The following SCAI variants were observed in gnomAD, a reference collection of about 807,000 sequenced individuals.
SCAI encodes the protein protein SCAI.
SCAI carries 24 observed loss-of-function variants against 92.2 expected under a neutral mutation model. The observed-to-expected ratio is 0.26, with a 90% confidence interval of 0.19 to 0.37. The LOEUF is 0.37. SCAI is among the 10% of genes least tolerant of loss of function. SCAI has a pLI of 1.00. For missense variants in SCAI, 450 were observed against 736.2 expected (o/e 0.61, Z 4.50); for synonymous variants, 261 against 258.6 (o/e 1.01, Z -0.09).
At position 125,051,898 on chromosome 9, in the gene SCAI, G is replaced by A. The variant is rs575009773; in HGVS notation, c.230+3978C>T. Among the ~76,000 whole-genome samples, 15 of 152,006 alleles carry A rather than the reference G, an allele frequency of 9.9e-5. No homozygotes were observed. The East Asian group carries it at 2.3e-3, about 24-fold the overall frequency. On this transcript the variant is annotated intron_variant, in intron 3 of 17. Transcript: ENST00000336505. ...AGCCTGGCCAACATGGTGAAATCCC[G>A]TTTCTACTAAAACAAATACAGTGTG...
Position 125,009,656 on chromosome 9 carries a change from C to A in SCAI, c.862-6086G>T, listed in dbSNP as rs1298075287. 2.7e-5 allele frequency among the ~76,000 whole-genome samples: 4 copies of A among 150,170 alleles called. No homozygotes were observed. In the East Asian group the frequency reaches 8.1e-4, roughly 30 times the overall value. On this transcript the variant is annotated intron_variant, in intron 9 of 17. Transcript: ENST00000336505. ...AATCCCAACACTTTGGGAGGCCAAGCTGGGGGCAGATCACCTGAGGCTAGG... is the reference window on the plus strand; with the variant it reads ...AATCCCAACACTTTGGGAGGCCAAGATGGGGGCAGATCACCTGAGGCTAGG...
intron 2 of SCAI, among the ~76,000 whole-genome samples, chr9:125,124,625 G>T (rs542691632): frequency 6.6e-6 from 1 of 152,140 alleles, no homozygotes; most frequent in Non-Finnish European, 1.5e-5. Context: ...ACCCAGACTC[G>T]GAAGGGTATC....
intron 3 of SCAI, among the ~76,000 whole-genome samples, chr9:125,034,952 T>C (rs943421121): frequency 1.3e-5 from 2 of 152,204 alleles, no homozygotes; most frequent in Non-Finnish European, 2.9e-5. Context: ...TTAGAATCCA[T>C]GTATAGATCA....
chr9:125,139,927 A>G (rs1835626757), intron 2 of SCAI, among the ~76,000 whole-genome samples: 2 of 152,236 alleles, frequency 1.3e-5, no homozygotes, highest in South Asian at 4.1e-4. Context: ...TAGCCATATT[A>G]GAAAAAATAA....
intron 13 of SCAI, among the ~76,000 whole-genome samples, chr9:124,999,499 T>A (rs1178764575): frequency 1.3e-5 from 2 of 152,160 alleles, no homozygotes; most frequent in Admixed American, 6.6e-5. Flanking sequence ...AAGACTGACC[T>A]GAGTGACAGA....
intron 2 of SCAI, among the ~76,000 whole-genome samples, chr9:125,098,138 T>C (rs946941278): frequency 6.6e-6 from 1 of 152,010 alleles, no homozygotes; most frequent in Non-Finnish European, 1.5e-5. Context: ...CACTGCAACC[T>C]CAATCTCCTG....
chr9:125,120,205 A>T (rs1835131106), intron 2 of SCAI, among the ~76,000 whole-genome samples: 1 of 152,204 alleles, frequency 6.6e-6, no homozygotes, highest in South Asian at 2.1e-4. Flanking sequence ...ATACCAATAC[A>T]TTGGTTGTAT....
At chr9:124,983,907 C>T (rs956730958) in intron 14 of SCAI, among the ~76,000 whole-genome samples, 2 of 152,054 alleles carry the variant, frequency 1.3e-5, no homozygotes, top group African/African-American at 4.8e-5. Context: ...AAAATGGGAA[C>T]AATAAAAGCA....
chr9:124,955,297 G>A (rs1014594104), intron 17 of SCAI, among the ~76,000 whole-genome samples: 1 of 151,774 alleles, frequency 6.6e-6, no homozygotes, highest in Non-Finnish European at 1.5e-5. Flanking sequence ...GGAAATAAAT[G>A]AAACAGAAAA....
At chr9:124,978,459 T>C (rs1831807136) in intron 14 of SCAI, among the ~76,000 whole-genome samples, 1 of 152,204 alleles carries the variant, frequency 6.6e-6, no homozygotes, top group Non-Finnish European at 1.5e-5. Flanking sequence ...ATTTTTACCC[T>C]ATCAGTTAAG....
intron 5 of SCAI, among the ~76,000 whole-genome samples, chr9:125,027,866 T>G (rs985115950): frequency 5.9e-5 from 9 of 152,204 alleles, no homozygotes; most frequent in African/African-American, 2.2e-4. Context: ...ATTGTATACC[T>G]GATTATCACT....
chr9:125,126,590 G>GTGAA (rs1554794304), intron 2 of SCAI, among the ~76,000 whole-genome samples: 1,984 of 55,602 alleles, frequency 0.036, 52 homozygotes, highest in African/African-American at 0.11. Context: ...GTGTGTGTGT[G>GTGAA]AGAGAGAGAG....
intron 12 of SCAI, among the ~76,000 whole-genome samples, chr9:125,000,637 T>C (rs1173737436): frequency 9.9e-6 from 1 of 101,030 alleles, no homozygotes; most frequent in African/African-American, 3.1e-5. Flanking sequence ...TAAAATAAGC[T>C]TTTTTTTTTT....
chr9:125,052,874 AG>A, intron 3 of SCAI, among the ~76,000 whole-genome samples: 1 of 39,000 alleles, frequency 2.6e-5, no homozygotes, highest in Non-Finnish European at 6.6e-5. Context: ...AAAACCACCA[AG>A]AGACACCATT....
intron 2 of SCAI, among the ~76,000 whole-genome samples, chr9:125,109,888 A>G (rs1834897929): frequency 6.6e-6 from 1 of 152,120 alleles, no homozygotes; most frequent in Admixed American, 6.5e-5. Context: ...GGGTTTCGCC[A>G]TGATGGCCAG....
intron 2 of SCAI, among the ~76,000 whole-genome samples, chr9:125,127,391 G>A (rs1340161429): frequency 6.7e-6 from 1 of 150,292 alleles, no homozygotes; most frequent in African/African-American, 2.4e-5. Context: ...AGGGGGAGAA[G>A]GTCCCAGGGC....
chr9:125,078,015 C>G (rs957486915), intron 2 of SCAI, among the ~76,000 whole-genome samples: 1 of 152,142 alleles, frequency 6.6e-6, no homozygotes, highest in African/African-American at 2.4e-5. Context: ...CCACCGTACC[C>G]AGCCTTTGGT....
At chr9:125,084,219 G>A (rs1327683655) in intron 2 of SCAI, among the ~76,000 whole-genome samples, 9 of 122,348 alleles carry the variant, frequency 7.4e-5, no homozygotes, top group African/African-American at 1.9e-4. Flanking sequence ...TGCCCAGGCC[G>A]GAGTGCAGTG....
Position 125,046,314 on chromosome 9 carries a change from T to TAC in SCAI, c.230+9561_230+9562insGT, listed in dbSNP as rs1424731417. Among the ~76,000 whole-genome samples the TAC allele has an allele frequency of 8.3e-3, 110 of 13,272 alleles. 2 individuals carry two copies. Among genetic ancestry groups the TAC allele is most frequent in the East Asian group, 0.039 (10 of 256 alleles). 8.7% of individuals were successfully genotyped at this position (13,272 alleles called of 152,430 possible). A position where few individuals can be genotyped will look rare whatever the true frequency, so the allele number is the denominator to read the frequency against. On this transcript the variant is annotated intron_variant, in intron 3 of 17. Coordinates refer to ENST00000336505, the MANE Select transcript of SCAI (RefSeq NM_001144877.3). Reference sequence around the variant, plus strand: ...CCTTTTATGGCCTATCTCATATATATATACACACACACACACACATATATA... The same window carrying TAC: ...CCTTTTATGGCCTATCTCATATATATACATACACACACACACACACATATATA...
Sources: allele counts gnomAD v4.1 joint callset (sites outside exome capture counted in the v4.1 genomes callset), GRCh38; gene constraint gnomAD v4.1.1; transcripts MANE v1.5; gene names NCBI Gene and HGNC (gene_info 2026-07-23, HGNC 2026-07-21).